The following ALDH1A2 variants were observed in gnomAD, a reference collection of about 807,000 sequenced individuals.
ALDH1A2 encodes the protein aldehyde dehydrogenase 1 family member A2, also known as retinal dehydrogenase 2.
A neutral mutation model predicts 60.3 loss-of-function variants in ALDH1A2; 27 were observed. That is an observed-to-expected ratio of 0.45 (90% CI 0.33 to 0.62). ALDH1A2 has a LOEUF of 0.62. Among genes scored for constraint, ALDH1A2 ranks in the 20% least tolerant of loss-of-function variants. The probability of loss-of-function intolerance (pLI) is 0.02; values close to 1 mark genes in which losing one functional copy is unlikely to be tolerated. For synonymous variants in ALDH1A2, 289 were observed against 232.4 expected (o/e 1.24, Z -2.21); for missense variants, 581 against 643.8 (o/e 0.90, Z 1.06).
At chr15:58,043,671 C>G (rs998088025) in intron 1 of ALDH1A2, among the ~76,000 whole-genome samples, 12 of 151,960 alleles carry the variant, frequency 7.9e-5, no homozygotes, top group Non-Finnish European at 4.4e-5. Flanking sequence ...CTACAACAGA[C>G]ATTTTTAAAC....
Position 57,956,093 on chromosome 15 carries a change from T to A in ALDH1A2, c.1485-824A>T, listed in dbSNP as rs1191488968. On this transcript the variant is annotated intron_variant, in intron 12 of 12. Coordinates refer to ENST00000249750, the MANE Select transcript of ALDH1A2 (RefSeq NM_003888.4). The stretch of plus-strand genomic sequence containing the variant: ...AGGACAAGGGGCTTGAATATCTCTG[T>A]CTTCCCTACTGAGTTGTATCCTACT... Among the ~76,000 whole-genome samples, 9 of 152,130 alleles carry A rather than the reference T, an allele frequency of 5.9e-5. No individual in the cohort carries two copies. In the South Asian group the frequency reaches 1.7e-3, roughly 28 times the overall value.
intron 1 of ALDH1A2, among the ~76,000 whole-genome samples, chr15:58,060,974 T>A (rs1566964410): frequency 6.6e-6 from 1 of 152,220 alleles, no homozygotes; most frequent in Non-Finnish European, 1.5e-5. Flanking sequence ...GAACTAACTA[T>A]GCATGATTTG....
chr15:57,975,729 A>C (rs1300195216), intron 7 of ALDH1A2, among the ~76,000 whole-genome samples: 1 of 152,184 alleles, frequency 6.6e-6, no homozygotes, highest in Non-Finnish European at 1.5e-5. Context: ...ACAGCTAGAC[A>C]AAAGAGTATA....
At chr15:58,013,751 C>CA (rs1307628442) in intron 3 of ALDH1A2, 107 bp downstream of exon 3, 3 of 1,446,968 alleles carry the variant, frequency 2.1e-6, no homozygotes, top group East Asian at 5.1e-5. Context: ...GACTCCGTCT[C>CA]AAAAAATAAA....
intron 7 of ALDH1A2, among the ~76,000 whole-genome samples, chr15:57,970,544 T>C (rs1799973267): frequency 6.6e-6 from 1 of 152,184 alleles, no homozygotes; most frequent in African/African-American, 2.4e-5. Flanking sequence ...AGAAAAATAA[T>C]TTGTTATACA....
chr15:58,030,006 A>T (rs796501624), intron 1 of ALDH1A2, among the ~76,000 whole-genome samples: 1 of 152,250 alleles, frequency 6.6e-6, no homozygotes, highest in Non-Finnish European at 1.5e-5. Flanking sequence ...TCCAATCAAT[A>T]GAAAAAGAGG....
chr15:57,977,588 C>A (rs1247663494), intron 7 of ALDH1A2, among the ~76,000 whole-genome samples: 1 of 152,134 alleles, frequency 6.6e-6, no homozygotes, highest in African/African-American at 2.4e-5. Flanking sequence ...TGTGTTTGTA[C>A]CAGTACCATG....
At chr15:57,980,467 T>C (rs1175509672) in intron 7 of ALDH1A2, 3 of 321,518 alleles carry the variant, frequency 9.3e-6, no homozygotes, top group Admixed American at 3.2e-5. Flanking sequence ...TGAGTATGCA[T>C]AAGATAATCC....
At chr15:57,974,770 A>G (rs367893023) in intron 7 of ALDH1A2, among the ~76,000 whole-genome samples, 20 of 152,360 alleles carry the variant, frequency 1.3e-4, no homozygotes, top group African/African-American at 4.1e-4. Context: ...AAATGTTAAT[A>G]AACTGGACAT....
chr15:58,016,745 C>A (rs1046077330), intron 1 of ALDH1A2, among the ~76,000 whole-genome samples: 1 of 151,850 alleles, frequency 6.6e-6, no homozygotes, highest in African/African-American at 2.4e-5. Context: ...TCTAATTGTG[C>A]TAAAAAACTA....
chr15:58,001,652 G>A (rs1479875171), intron 4 of ALDH1A2, among the ~76,000 whole-genome samples: 1 of 151,822 alleles, frequency 6.6e-6, no homozygotes, highest in East Asian at 1.9e-4. Flanking sequence ...TGCTAACAAT[G>A]GTCTCTCAGT....
At chr15:57,992,903 G>A (rs764488032) in intron 6 of ALDH1A2, 42 bp downstream of exon 6, 1 of 1,613,452 alleles carries the variant, frequency 6.2e-7, no homozygotes, top group South Asian at 1.1e-5. Flanking sequence ...GGCTCCAGCT[G>A]TAAGGGGAGT....
At chr15:58,042,337 C>A (rs1174496093) in intron 1 of ALDH1A2, among the ~76,000 whole-genome samples, 4 of 151,928 alleles carry the variant, frequency 2.6e-5, no homozygotes, top group Non-Finnish European at 5.9e-5. Context: ...AATACTTTAC[C>A]TAAACCCTCC....
chr15:57,956,370 ACAGT>A (rs1176632062), intron 12 of ALDH1A2, among the ~76,000 whole-genome samples: 2 of 152,256 alleles, frequency 1.3e-5, no homozygotes, highest in Non-Finnish European at 2.9e-5. Flanking sequence ...GTCTTTTGAA[ACAGT>A]CAGTGTACGA....
rs148681945 is a variant in ALDH1A2, at chr15:58,028,448, T to C, written c.118-14167A>G. Among the ~76,000 whole-genome samples, 725 of 152,202 alleles carry C rather than the reference T, an allele frequency of 4.8e-3. 7 individuals carry two copies. The highest frequency in any genetic ancestry group is 0.016 in the African/African-American group (685 of 41,520). On this transcript the variant is annotated intron_variant, in intron 1 of 12. Transcript: ENST00000249750. ...CTGGTACCAGCCACTGCAAAAAACATGCAAAATTGTAAAGACCATCCATGC... is the reference window on the plus strand; with the variant it reads ...CTGGTACCAGCCACTGCAAAAAACACGCAAAATTGTAAAGACCATCCATGC...
At chr15:58,065,412 T>C in intron 1 of ALDH1A2, 122 bp downstream of exon 1, 1 of 885,958 alleles carries the variant, frequency 1.1e-6, no homozygotes, top group South Asian at 1.3e-5. Flanking sequence ...TGCGCCGGGA[T>C]GACAGGCTGG....
At chr15:58,043,667 C>A (rs540062487) in intron 1 of ALDH1A2, among the ~76,000 whole-genome samples, 1 of 151,926 alleles carries the variant, frequency 6.6e-6, no homozygotes, top group East Asian at 1.9e-4. Context: ...AGTCCTACAA[C>A]AGACATTTTT....
intron 1 of ALDH1A2, among the ~76,000 whole-genome samples, chr15:58,053,897 C>G (rs1269103873): frequency 6.6e-6 from 1 of 152,150 alleles, no homozygotes; most frequent in Non-Finnish European, 1.5e-5. Flanking sequence ...CACGTGTAGT[C>G]TTTTAAGAGT....
chr15:58,004,979 C>T (rs999400557), intron 4 of ALDH1A2, among the ~76,000 whole-genome samples: 21 of 151,634 alleles, frequency 1.4e-4, no homozygotes, highest in Non-Finnish European at 2.7e-4. Flanking sequence ...AGATTTGATG[C>T]AATTCCTAAA....
Sources: gnomAD v4.1 joint callset for allele counts (sites outside exome capture counted in the v4.1 genomes callset) on GRCh38, gnomAD v4.1.1 for gene constraint, MANE v1.5 for transcripts, NCBI Gene and HGNC (gene_info 2026-07-23, HGNC 2026-07-21) for gene names.